Variants in TTC6 observed in about 807,000 individuals in gnomAD.
The protein encoded by TTC6 is tetratricopeptide repeat protein 6.
A neutral mutation model predicts 210.4 loss-of-function variants in TTC6; 172 were observed. The observed-to-expected ratio is 0.82, with a 90% CI of 0.72 to 0.93. TTC6 has a LOEUF of 0.93. Ranked by LOEUF, TTC6 falls within the 40% of genes least tolerant of loss-of-function variation. The pLI is 0.00. For synonymous variants in TTC6, 804 were observed against 819.6 expected, an observed-to-expected ratio of 0.98 and a Z score of 0.32; for missense variants, 2,414 against 2,318.1, an observed-to-expected ratio of 1.04 and a Z score of -0.85.
chr14:37,671,213 C>A (rs1462244137), intron 1 of TTC6, among the ~76,000 whole-genome samples: 1 of 152,136 alleles, frequency 6.6e-6, no homozygotes, highest in Non-Finnish European at 1.5e-5. Flanking sequence ...TGGCAGGAGA[C>A]CTCCCCATGG....
chr14:37,838,034 G>A (rs538927429), intron 29 of TTC6, among the ~76,000 whole-genome samples: 1 of 152,290 alleles, frequency 6.6e-6, no homozygotes, highest in South Asian at 2.1e-4. Flanking sequence ...CATGGAATAG[G>A]GGGAAATAGA....
intron 14 of TTC6, among the ~76,000 whole-genome samples, chr14:37,761,595 C>T (rs919829700): frequency 9.9e-5 from 15 of 151,934 alleles, no homozygotes; most frequent in African/African-American, 2.9e-4. Flanking sequence ...ATCTAGAAAC[C>T]CCCTCATGCC....
At chr14:37,643,500 G>A (rs2095696058) in intron 1 of TTC6, among the ~76,000 whole-genome samples, 1 of 152,038 alleles carries the variant, frequency 6.6e-6, no homozygotes, top group Admixed American at 6.6e-5. Context: ...ATTTAAGGAG[G>A]GCTACAGGAT....
intron 3 of TTC6, among the ~76,000 whole-genome samples, chr14:37,696,189 C>A (rs1463645491): frequency 1.3e-5 from 2 of 152,070 alleles, no homozygotes; most frequent in East Asian, 3.9e-4. Context: ...TCAACCATAG[C>A]TTTTCCCAAG....
intron 14 of TTC6, among the ~76,000 whole-genome samples, chr14:37,754,983 A>C (rs974709631): frequency 6.6e-6 from 1 of 152,156 alleles, no homozygotes; most frequent in Non-Finnish European, 1.5e-5. Context: ...GAATTGCCAC[A>C]CTATCTTCCA....
chr14:37,612,675 TG>T (rs1289741886), intron 2 of TTC6, among the ~76,000 whole-genome samples: 1 of 152,150 alleles, frequency 6.6e-6, no homozygotes, highest in Non-Finnish European at 1.5e-5. Context: ...AATAAGATTT[TG>T]TAATTTTCAG....
chr14:37,678,743 G>A (rs2095776022), intron 1 of TTC6, among the ~76,000 whole-genome samples: 1 of 152,140 alleles, frequency 6.6e-6, no homozygotes, highest in South Asian at 2.1e-4. Flanking sequence ...AAGAGTTGCT[G>A]TAATATTTTG....
At chr14:37,631,250 G>A (rs1054183896) in intron 1 of TTC6, among the ~76,000 whole-genome samples, 39 of 152,044 alleles carry the variant, frequency 2.6e-4, no homozygotes, top group Non-Finnish European at 4.4e-4. Flanking sequence ...GGCTGGTACT[G>A]GCTTTTCCTT....
intron 8 of TTC6, among the ~76,000 whole-genome samples, chr14:37,737,426 ATT>A (rs78646495): frequency 0.62 from 94,539 of 151,398 alleles, 30,668 homozygotes; most frequent in East Asian, 0.89. Context: ...ATCAAGTTGA[ATT>A]TTTTAAAAAA....
chr14:37,747,192 A>G (rs945221375), intron 10 of TTC6, among the ~76,000 whole-genome samples: 2 of 152,170 alleles, frequency 1.3e-5, no homozygotes, highest in Non-Finnish European at 2.9e-5. Flanking sequence ...ACCACATGCC[A>G]TGGATTACCC....
intron 14 of TTC6, among the ~76,000 whole-genome samples, chr14:37,759,420 T>C (rs1251484278): frequency 2.0e-5 from 3 of 152,220 alleles, no homozygotes; most frequent in African/African-American, 2.4e-5. Flanking sequence ...CCTTTCTCTT[T>C]GGCTGCCCTT....
chr14:37,676,534 C>T (rs933541677), intron 1 of TTC6, among the ~76,000 whole-genome samples: 7 of 151,972 alleles, frequency 4.6e-5, no homozygotes, highest in Non-Finnish European at 7.4e-5. Context: ...CTTTCTTCAT[C>T]GTGTCCTCAA....
At chr14:37,784,320 A>G (rs1037049632) in intron 14 of TTC6, among the ~76,000 whole-genome samples, 3 of 152,090 alleles carry the variant, frequency 2.0e-5, no homozygotes, top group African/African-American at 7.2e-5. Flanking sequence ...TTGGGTACAT[A>G]TATATTTAGG....
At chr14:37,791,155 A>G (rs1002716868) in intron 16 of TTC6, among the ~76,000 whole-genome samples, 5 of 152,152 alleles carry the variant, frequency 3.3e-5, no homozygotes. Context: ...TTTGAAATTA[A>G]CTTCATGGAA....
intron 5 of TTC6, among the ~76,000 whole-genome samples, chr14:37,704,254 T>C (rs2095831109): frequency 6.6e-6 from 1 of 152,078 alleles, no homozygotes; most frequent in South Asian, 2.1e-4. Flanking sequence ...AGAGTCTCAC[T>C]ATGTTGACCA....
chr14:37,683,121 C>A (rs895554373), intron 3 of TTC6, among the ~76,000 whole-genome samples, 157 bp downstream of exon 5: 1 of 151,970 alleles, frequency 6.6e-6, no homozygotes, highest in African/African-American at 2.4e-5. Context: ...TGCAAGTTGC[C>A]CACTTAGGAA....
intron 2 of TTC6, among the ~76,000 whole-genome samples, chr14:37,607,137 G>A (rs947827254): frequency 6.6e-6 from 1 of 152,222 alleles, no homozygotes; most frequent in African/African-American, 2.4e-5. Flanking sequence ...GAACATGTAA[G>A]CAAAGCCCTT....
chr14:37,790,659 A>G (rs2096077252), intron 15 of TTC6, 58 bp from the exon 18 acceptor site: 1 of 1,399,984 alleles, frequency 7.1e-7, no homozygotes, highest in Non-Finnish European at 9.7e-7. Context: ...ACTAAAGTAT[A>G]ATTTACCTAT....
chr14:37,656,814 C>T (rs1215745051), intron 1 of TTC6, among the ~76,000 whole-genome samples: 1 of 152,030 alleles, frequency 6.6e-6, no homozygotes, highest in Admixed American at 6.5e-5. Flanking sequence ...GAACACCAGG[C>T]GAGAAGTACC....
Sources: allele counts gnomAD v4.1 joint callset (sites outside exome capture counted in the v4.1 genomes callset), GRCh38; gene constraint gnomAD v4.1.1; transcripts MANE v1.5; gene names NCBI Gene and HGNC (gene_info 2026-07-23, HGNC 2026-07-21).